CARMIL1: variants seen among roughly 807,000 people sequenced by gnomAD.
The protein encoded by CARMIL1 is F-actin-uncapping protein LRRC16A.
CARMIL1 carries 90 observed loss-of-function variants against 177.1 expected under a neutral mutation model. The observed-to-expected ratio is 0.51, with a 90% CI of 0.43 to 0.61. The LOEUF (loss-of-function observed/expected upper bound fraction) is 0.61, where lower values mean the gene tolerates loss of function less well. Ranked by LOEUF, CARMIL1 falls within the 20% of genes least tolerant of loss-of-function variation. CARMIL1 has a pLI of 0.00. For missense variants in CARMIL1, 1,380 were observed against 1,667.0 expected (o/e 0.83, Z 3.00); for synonymous variants, 577 against 606.2 (o/e 0.95, Z 0.71).
rs149262128 is a variant in CARMIL1 at position 25,551,669 on chromosome 6, A to C, written c.2504+584A>C. Among the ~76,000 whole-genome samples, 26 of 152,334 alleles carry C rather than the reference A, an allele frequency of 1.7e-4. No homozygotes were observed. The East Asian group carries it at 4.4e-3, about 26-fold the overall frequency. ...GGCAAACTTTTCTGAATTTTTATGT[A>C]GAGACTCTTGGTCCATCAACAGTAT... On this transcript the variant is annotated intron_variant, in intron 27 of 36. Transcript: ENST00000329474.
chr6:25,435,269 C>T (rs1797124199), intron 4 of CARMIL1, among the ~76,000 whole-genome samples: 1 of 152,078 alleles, frequency 6.6e-6, no homozygotes, highest in African/African-American at 2.4e-5. Flanking sequence ...TCTTTAAAAG[C>T]TAATATTGTG....
intron 16 of CARMIL1, among the ~76,000 whole-genome samples, chr6:25,497,806 T>G (rs1403325847): frequency 3.3e-5 from 5 of 152,178 alleles, no homozygotes; most frequent in Non-Finnish European, 7.3e-5. Flanking sequence ...TGAGATTCTT[T>G]TACAAGCGAA....
At chr6:25,534,718 G>A (rs1226945344) in intron 24 of CARMIL1, among the ~76,000 whole-genome samples, 1 of 152,156 alleles carries the variant, frequency 6.6e-6, no homozygotes, top group African/African-American at 2.4e-5. Context: ...ATTACATTAT[G>A]TAGCACTTTA....
At chr6:25,413,427 G>C (rs1301031052) in intron 2 of CARMIL1, among the ~76,000 whole-genome samples, 1 of 152,186 alleles carries the variant, frequency 6.6e-6, no homozygotes, top group African/African-American at 2.4e-5. Context: ...TTAGGCCATG[G>C]AGTTATTTAA....
chr6:25,320,485 A>C lies in CARMIL1; in HGVS notation c.138+35576A>C, dbSNP rs148591251. Among the ~76,000 whole-genome samples the C allele has an allele frequency of 3.3e-5, 5 of 152,366 alleles. No individual in the cohort carries two copies. In the East Asian group the frequency reaches 9.6e-4, roughly 29 times the overall value. On this transcript the variant is annotated intron_variant, in intron 2 of 36. Transcript: ENST00000329474. Reference sequence around the variant, plus strand: ...AAACACATGTTTAATAGCTAAGGCTATTGAGTGCTTATCATTTGCCAGGAA... The same window carrying C: ...AAACACATGTTTAATAGCTAAGGCTCTTGAGTGCTTATCATTTGCCAGGAA...
intron 29 of CARMIL1, among the ~76,000 whole-genome samples, chr6:25,572,701 TCA>T (rs1812201306): frequency 2.2e-5 from 1 of 46,374 alleles, no homozygotes. Flanking sequence ...AGACCTTGTC[TCA>T]AAAAAAAAAA....
chr6:25,553,245 G>A (rs1289233433), intron 27 of CARMIL1, among the ~76,000 whole-genome samples: 1 of 152,106 alleles, frequency 6.6e-6, no homozygotes, highest in Non-Finnish European at 1.5e-5. Flanking sequence ...TGTGCTTAAT[G>A]TACATTTGTA....
intron 2 of CARMIL1, chr6:25,370,053 C>A (rs895956474): frequency 2.0e-5 from 3 of 152,250 alleles, no homozygotes; most frequent in Non-Finnish European, 4.4e-5. Flanking sequence ...GCGTATCCGA[C>A]TCTATCTCCA....
chr6:25,594,838 C>G lies in CARMIL1; in HGVS notation c.3119+311C>G, dbSNP rs375813348. Among the ~76,000 whole-genome samples, 5 of 152,284 alleles carry G rather than the reference C, an allele frequency of 3.3e-5. No homozygotes were observed. The East Asian group carries it at 7.7e-4, about 23-fold the overall frequency. On this transcript the variant is annotated intron_variant, in intron 32 of 36. Coordinates refer to ENST00000329474, the MANE Select transcript of CARMIL1 (RefSeq NM_017640.6). ...CCAGTTTGAGACCTATTGTACGAAT[C>G]TAAACCAGACCACAAAATATACCAC...
rs748350417 is a variant in CARMIL1, at chr6:25,610,041, T to A, written c.3848-9T>A. 1.2e-6 allele frequency: 2 copies of A among 1,611,074 alleles called. No individual in the cohort carries two copies. Among genetic ancestry groups the A allele is most frequent in the Non-Finnish European group, 1.7e-6 (2 of 1,178,456 alleles). ...GAACAGTTTGATTCACGTGTTTGTG[T>A]CTCCTTAGATGACATTCCAGACTCT... On this transcript the variant is annotated splice_polypyrimidine_tract_variant and intron_variant, in intron 35 of 36. Coordinates refer to ENST00000329474, the MANE Select transcript of CARMIL1 (RefSeq NM_017640.6).
chr6:25,451,424 T>C (rs982182779), intron 8 of CARMIL1, among the ~76,000 whole-genome samples: 36 of 152,298 alleles, frequency 2.4e-4, no homozygotes, highest in African/African-American at 8.7e-4. Flanking sequence ...AATTGGGCAT[T>C]GGTAGGGTGT....
intron 25 of CARMIL1, 94 bp downstream of exon 25, chr6:25,538,077 C>T (rs1808488515): frequency 7.3e-7 from 1 of 1,371,198 alleles, no homozygotes; most frequent in East Asian, 2.5e-5. Flanking sequence ...TCTCTCTCTA[C>T]CCAATTCCAA....
intron 29 of CARMIL1, among the ~76,000 whole-genome samples, chr6:25,567,473 G>A (rs1391048875): frequency 1.3e-5 from 2 of 152,178 alleles, no homozygotes; most frequent in Non-Finnish European, 2.9e-5. Context: ...TCTGCCCCTG[G>A]AAGCTGCCCA....
chr6:25,581,180 C>A, intron 30 of CARMIL1, 63 bp from the exon 31 acceptor site: 2 of 1,468,144 alleles, frequency 1.4e-6, no homozygotes, highest in Non-Finnish European at 1.9e-6. Context: ...AATTTTTTAT[C>A]CATCTCTATG....
At position 25,581,240 on chromosome 6, in the gene CARMIL1, T is replaced by C; in HGVS notation, c.2810-3T>C. The C allele has an allele frequency of 6.2e-7, 1 of 1,608,090 alleles. No individual in the cohort carries two copies. Among genetic ancestry groups the C allele is most frequent in the Non-Finnish European group, 8.5e-7 (1 of 1,178,622 alleles). On this transcript the variant is annotated splice_polypyrimidine_tract_variant and splice_region_variant and intron_variant, in intron 30 of 36. Coordinates refer to ENST00000329474, the MANE Select transcript of CARMIL1 (RefSeq NM_017640.6). The stretch of plus-strand genomic sequence containing the variant: ...TTTTTTGTTTTTTTGTTTTTAATTT[T>C]AGAAATGGAGTTTGATCTAGATAAA...
intron 12 of CARMIL1, among the ~76,000 whole-genome samples, chr6:25,486,347 T>C (rs950894865): frequency 6.6e-6 from 1 of 152,118 alleles, no homozygotes; most frequent in Non-Finnish European, 1.5e-5. Flanking sequence ...AACATGATGC[T>C]CTCTCGAGTC....
intron 35 of CARMIL1, among the ~76,000 whole-genome samples, chr6:25,608,732 T>TAAGAAGGTGGAA (rs1303487221): frequency 2.0e-5 from 3 of 152,228 alleles, no homozygotes; most frequent in African/African-American, 7.2e-5. Flanking sequence ...TATCTTCACA[T>TAAGAAGGTGGAA]GTCTTATCAC....
chr6:25,338,326 C>T (rs895815498), intron 2 of CARMIL1, among the ~76,000 whole-genome samples: 3 of 152,012 alleles, frequency 2.0e-5, no homozygotes, highest in Non-Finnish European at 2.9e-5. Flanking sequence ...GTTACAAATA[C>T]TGAGTCATTA....
intron 2 of CARMIL1, among the ~76,000 whole-genome samples, chr6:25,303,989 T>C (rs76129262): frequency 0.028 from 4,258 of 152,338 alleles, 73 homozygotes; most frequent in Non-Finnish European, 0.038. Context: ...TAAGGTAATT[T>C]CAGATCACTC....
Sources: allele counts gnomAD v4.1 joint callset (sites outside exome capture counted in the v4.1 genomes callset), GRCh38; gene constraint gnomAD v4.1.1; transcripts MANE v1.5; gene names NCBI Gene and HGNC (gene_info 2026-07-23, HGNC 2026-07-21).